Variants in ATP8A2 observed in about 807,000 individuals in gnomAD.
ATP8A2 encodes the protein phospholipid-transporting ATPase IB.
In ATP8A2, 100 loss-of-function variants were observed where a neutral mutation model predicts 165.6. The observed-to-expected ratio is 0.60, with a 90% CI of 0.51 to 0.71. ATP8A2 has a LOEUF of 0.71. ATP8A2 is among the 30% of genes least tolerant of loss of function. The pLI, the probability that ATP8A2 is intolerant of heterozygous loss-of-function variation, is 0.00. For missense variants in ATP8A2, 1,227 were observed against 1,479.5 expected (o/e 0.83, Z 2.80); for synonymous variants, 543 against 548.8 (o/e 0.99, Z 0.15).
chr13:25,586,520 G>A (rs748153863), intron 23 of ATP8A2, among the ~76,000 whole-genome samples: 6 of 152,156 alleles, frequency 3.9e-5, no homozygotes, highest in African/African-American at 7.2e-5. Flanking sequence ...GGCTCTGGAC[G>A]GGCTGTCTTT....
At chr13:25,380,514 A>C (rs2032798252) in intron 1 of ATP8A2, among the ~76,000 whole-genome samples, 1 of 152,214 alleles carries the variant, frequency 6.6e-6, no homozygotes, top group Admixed American at 6.5e-5. Flanking sequence ...CAGTTCATTC[A>C]TAATGTTTTC....
At chr13:25,855,191 C>T (rs1952122945) in intron 30 of ATP8A2, among the ~76,000 whole-genome samples, 1 of 150,016 alleles carries the variant, frequency 6.7e-6, no homozygotes, top group Non-Finnish European at 1.5e-5. Context: ...GCAGAGATTG[C>T]AGTGAGCAGA....
intron 33 of ATP8A2, among the ~76,000 whole-genome samples, chr13:25,897,617 T>C (rs1301874900): frequency 6.6e-6 from 1 of 152,222 alleles, no homozygotes; most frequent in Non-Finnish European, 1.5e-5. Context: ...CTGGATAATA[T>C]CCTGCAGAGT....
At chr13:25,741,404 G>A (rs1227392956) in intron 25 of ATP8A2, among the ~76,000 whole-genome samples, 4 of 152,162 alleles carry the variant, frequency 2.6e-5, no homozygotes, top group African/African-American at 9.7e-5. Context: ...TGTTTAGACA[G>A]GGACTTGCTT....
chr13:25,883,785 C>T (rs1414114936), intron 33 of ATP8A2, among the ~76,000 whole-genome samples: 5 of 152,172 alleles, frequency 3.3e-5, no homozygotes, highest in African/African-American at 9.7e-5. Flanking sequence ...TCCCAGTCTG[C>T]TGCACTGCCT....
chr13:25,559,049 G>A lies in ATP8A2; in HGVS notation c.1340G>A (p.Gly447Glu). 6.2e-7 allele frequency: 1 copy of A among 1,608,926 alleles called. No homozygotes were observed. Residue 447 changes from glycine (G) to glutamate (E), a missense_variant, in exon 14 of 37, where the codon GGA (glycine) becomes GAA (glutamate). This residue lies in a region of ATP8A2 where 592 missense variants were observed against 785.6 expected (regional missense o/e 0.75). Coordinates refer to ENST00000381655, the MANE Select transcript of ATP8A2 (RefSeq NM_016529.6). The stretch of plus-strand genomic sequence containing the variant: ...AACTTTAAGAAGTGCAGCATTGCCG[G>A]AGTAACCTATGGGTCAGTGTGTTTA... ...IMNFKKCSIA[G>E]VTYGHFPELA... is the part of the protein sequence containing the mutation.
chr13:25,555,916 C>T (rs2038967312), intron 13 of ATP8A2, among the ~76,000 whole-genome samples: 1 of 106,378 alleles, frequency 9.4e-6, no homozygotes, highest in South Asian at 2.4e-4. Flanking sequence ...AGATAATGGC[C>T]TCCAGCTCCA....
At chr13:25,679,616 C>G (rs2042441507) in intron 24 of ATP8A2, among the ~76,000 whole-genome samples, 1 of 152,064 alleles carries the variant, frequency 6.6e-6, no homozygotes, top group Admixed American at 6.5e-5. Flanking sequence ...ATCTTGTATA[C>G]CATAGACACC....
intron 35 of ATP8A2, among the ~76,000 whole-genome samples, chr13:26,003,836 C>T (rs1853635): frequency 0.98 from 149,796 of 152,306 alleles, 73,706 homozygotes; most frequent in East Asian, 1. Flanking sequence ...CATAAATGTA[C>T]GGGTTTATTT....
intron 25 of ATP8A2, among the ~76,000 whole-genome samples, chr13:25,757,861 C>T (rs2044296949): frequency 6.6e-6 from 1 of 152,092 alleles, no homozygotes; most frequent in African/African-American, 2.4e-5. Context: ...CTCACTCTGG[C>T]CTTTATCTCC....
intron 35 of ATP8A2, among the ~76,000 whole-genome samples, chr13:26,011,520 CTA>C (rs1956848196): frequency 1.3e-5 from 2 of 152,182 alleles, no homozygotes; most frequent in Admixed American, 1.3e-4. Context: ...AGCCCATAAT[CTA>C]TTATGCCTCT....
intron 33 of ATP8A2, among the ~76,000 whole-genome samples, chr13:25,901,240 G>A (rs1441420739): frequency 6.6e-6 from 1 of 152,156 alleles, no homozygotes; most frequent in East Asian, 1.9e-4. Flanking sequence ...AATAGTGCTG[G>A]GTCAAGGGTT....
At chr13:25,665,515 A>G (rs1406227671) in intron 24 of ATP8A2, among the ~76,000 whole-genome samples, 1 of 151,774 alleles carries the variant, frequency 6.6e-6, no homozygotes, top group African/African-American at 2.4e-5. Context: ...CATACTTTCA[A>G]TCCCTGGTAC....
chr13:25,501,911 C>T (rs543165714), intron 2 of ATP8A2, among the ~76,000 whole-genome samples: 4 of 152,266 alleles, frequency 2.6e-5, no homozygotes, highest in African/African-American at 9.6e-5. Flanking sequence ...GAAAGACATG[C>T]GTGTCTGAAG....
intron 1 of ATP8A2, among the ~76,000 whole-genome samples, chr13:25,411,974 T>G (rs7993071): frequency 0.35 from 53,379 of 152,082 alleles, 10,061 homozygotes; most frequent in East Asian, 0.62. Context: ...GTTTTTGTCT[T>G]CCTGTAATTC....
intron 24 of ATP8A2, among the ~76,000 whole-genome samples, chr13:25,614,306 C>T (rs1593652589): frequency 6.6e-6 from 1 of 152,040 alleles, no homozygotes; most frequent in East Asian, 1.9e-4. Context: ...AATTTTGTTG[C>T]TGAGATGTTC....
At chr13:25,703,358 A>G (rs909120744) in intron 25 of ATP8A2, among the ~76,000 whole-genome samples, 6 of 152,190 alleles carry the variant, frequency 3.9e-5, no homozygotes, top group African/African-American at 7.2e-5. Flanking sequence ...GATTACAGGC[A>G]TGAGCCACTG....
At chr13:25,769,402 A>G (rs1205863215) in intron 26 of ATP8A2, among the ~76,000 whole-genome samples, 173 bp downstream of exon 26, 4 of 152,130 alleles carry the variant, frequency 2.6e-5, no homozygotes, top group Non-Finnish European at 5.9e-5. Flanking sequence ...GATCTTGTGC[A>G]GTTTGGAGGC....
rs1309918838 is a variant in ATP8A2 at position 25,953,543 on chromosome 13, AAAAG to A, written c.3184-8031_3184-8028del. On this transcript the variant is annotated intron_variant, in intron 33 of 36. Coordinates refer to ENST00000381655, the MANE Select transcript of ATP8A2 (RefSeq NM_016529.6). The surrounding 1 kb of genome is among the most constrained non-coding windows in gnomAD (Gnocchi z 6.7). ...TTTTTAAAAAAAAAAAAAAAAAAAA[AAAAG>A]CAAGGGAAATAGGCAAGACGGCCAA... 3.7e-3 allele frequency among the ~76,000 whole-genome samples: 463 copies of A among 123,570 alleles called. 7 individuals are homozygous for A. The highest frequency in any genetic ancestry group is 0.014 in the African/African-American group (387 of 28,304). 81.1% of individuals were successfully genotyped at this position (123,570 alleles called of 152,430 possible). A position where few individuals can be genotyped will look rare whatever the true frequency, so the allele number is the denominator to read the frequency against.
Sources: gnomAD v4.1 joint callset for allele counts (sites outside exome capture counted in the v4.1 genomes callset) on GRCh38, gnomAD v4.1.1 for gene constraint, gnomAD v4.1.1 regional missense constraint, Gnocchi (gnomAD v3.1) non-coding constraint, MANE v1.5 for transcripts, NCBI Gene and HGNC (gene_info 2026-07-23, HGNC 2026-07-21) for gene names.